The following GRM7 variants were observed in gnomAD, a reference collection of about 807,000 sequenced individuals.
GRM7 encodes the protein metabotropic glutamate receptor 7.
GRM7 carries 35 observed loss-of-function variants against 84.5 expected under a neutral mutation model. The observed-to-expected ratio is 0.41, with a 90% CI of 0.32 to 0.55. The LOEUF (loss-of-function observed/expected upper bound fraction) is 0.55. Among genes scored for constraint, GRM7 ranks in the 20% least tolerant of loss-of-function variants. The pLI is 0.19. For synonymous variants in GRM7, 487 were observed against 455.1 expected, an observed-to-expected ratio of 1.07 and a Z score of -0.89; for missense variants, 1,003 against 1,194.6, an observed-to-expected ratio of 0.84 and a Z score of 2.36.
intron 1 of GRM7, among the ~76,000 whole-genome samples, chr3:7,015,908 T>C (rs1369281138): frequency 6.6e-6 from 1 of 152,172 alleles, no homozygotes; most frequent in East Asian, 1.9e-4. Context: ...TCATTAGAAA[T>C]GAGTCACTAA....
In GRM7 at chr3:7,139,554, A is replaced by G. The variant is rs77544830; in HGVS notation, c.520-6898A>G. ...ATTGCACATATGAGAGCGTGAATTC[A>G]TGCATAGATCTTTTCTCTGAAAGAA... On this transcript the variant is annotated intron_variant, in intron 1 of 9. Transcript: ENST00000357716. Among the ~76,000 whole-genome samples the G allele has an allele frequency of 6.5e-3, 985 of 152,104 alleles. 16 individuals are homozygous for G. Among genetic ancestry groups the G allele is most frequent in the African/African-American group, 0.022 (904 of 41,536 alleles).
chr3:6,974,705 A>G (rs1170198164), intron 1 of GRM7, among the ~76,000 whole-genome samples: 1 of 152,316 alleles, frequency 6.6e-6, no homozygotes, highest in East Asian at 1.9e-4. Flanking sequence ...AGGATGGCCC[A>G]TCAGACATAT....
At chr3:7,557,602 A>G (rs1236397484) in intron 7 of GRM7, among the ~76,000 whole-genome samples, 2 of 152,164 alleles carry the variant, frequency 1.3e-5, no homozygotes, top group East Asian at 1.9e-4. Flanking sequence ...GATCACATCA[A>G]AAAATGATTA....
chr3:7,253,010 C>CT (rs1292482847), intron 2 of GRM7, among the ~76,000 whole-genome samples: 3 of 62,546 alleles, frequency 4.8e-5, no homozygotes, highest in Non-Finnish European at 6.4e-5. Flanking sequence ...TCTGGCTTTT[C>CT]TTAAAAAAAA....
intron 2 of GRM7, among the ~76,000 whole-genome samples, chr3:7,262,671 G>T (rs1698476417): frequency 6.6e-6 from 1 of 152,088 alleles, no homozygotes; most frequent in South Asian, 2.1e-4. Flanking sequence ...AAGAAAGATG[G>T]CATTCTGGCT....
chr3:7,262,425 TAC>T (rs752964334), intron 2 of GRM7, among the ~76,000 whole-genome samples: 4 of 152,198 alleles, frequency 2.6e-5, no homozygotes, highest in Non-Finnish European at 5.9e-5. Flanking sequence ...ATGAAATTCT[TAC>T]AGTGTGTTTT....
chr3:7,725,332 C>A (rs534033443), intron 9 of GRM7, among the ~76,000 whole-genome samples: 2 of 152,256 alleles, frequency 1.3e-5, no homozygotes, highest in Non-Finnish European at 2.9e-5. Context: ...GGTATCACTG[C>A]CTCCACAGCC....
chr3:7,253,736 C>G (rs1480915586), intron 2 of GRM7, among the ~76,000 whole-genome samples: 1 of 152,012 alleles, frequency 6.6e-6, no homozygotes, highest in Non-Finnish European at 1.5e-5. Flanking sequence ...TAAGAGCTTT[C>G]CCAAGCTCAC....
intron 1 of GRM7, among the ~76,000 whole-genome samples, chr3:7,101,249 A>G (rs376028309): frequency 4.6e-5 from 7 of 151,902 alleles, no homozygotes; most frequent in African/African-American, 1.4e-4. Flanking sequence ...ATTGCACCAC[A>G]GACTCTCTAA....
intron 7 of GRM7, among the ~76,000 whole-genome samples, chr3:7,560,760 TG>T (rs1351922623): frequency 6.6e-6 from 1 of 152,174 alleles, no homozygotes; most frequent in Non-Finnish European, 1.5e-5. Context: ...GAATCACCTT[TG>T]CTACTTCTCT....
chr3:7,529,437 G>A (rs1700941809), intron 7 of GRM7, among the ~76,000 whole-genome samples: 1 of 152,128 alleles, frequency 6.6e-6, no homozygotes, highest in Non-Finnish European at 1.5e-5. Flanking sequence ...GGCATAGCAA[G>A]GAGACACTGC....
At chr3:7,404,216 C>T (rs1559298156) in intron 4 of GRM7, among the ~76,000 whole-genome samples, 1 of 152,130 alleles carries the variant, frequency 6.6e-6, no homozygotes, top group Non-Finnish European at 1.5e-5. Flanking sequence ...CTATACAAAT[C>T]AGTAGTTGTG....
chr3:7,663,471 C>G (rs1243232758), intron 8 of GRM7, among the ~76,000 whole-genome samples: 1 of 152,160 alleles, frequency 6.6e-6, no homozygotes, highest in African/African-American at 2.4e-5. Flanking sequence ...ACCAATAGAT[C>G]CCTCGGTCCT....
intron 4 of GRM7, among the ~76,000 whole-genome samples, chr3:7,316,773 A>G (rs1302359883): frequency 6.7e-6 from 1 of 149,794 alleles, no homozygotes. Flanking sequence ...GGCAATTGCA[A>G]TTAAGTAAGC....
chr3:7,233,546 T>C (rs181601911), intron 2 of GRM7, among the ~76,000 whole-genome samples: 591 of 152,250 alleles, frequency 3.9e-3, no homozygotes, highest in Middle Eastern at 6.8e-3. Flanking sequence ...TCTGAGGAGA[T>C]ATAATAAAAG....
chr3:6,956,923 A>T (rs1388214355), intron 1 of GRM7, among the ~76,000 whole-genome samples: 1 of 152,248 alleles, frequency 6.6e-6, no homozygotes, highest in Non-Finnish European at 1.5e-5. Flanking sequence ...CAATTAAAAT[A>T]ACATGCAATG....
intron 5 of GRM7, among the ~76,000 whole-genome samples, chr3:7,443,127 C>G (rs895089828): frequency 3.9e-5 from 6 of 152,092 alleles, no homozygotes; most frequent in Admixed American, 1.3e-4. Context: ...TGTGATCCTT[C>G]AGACCAACAC....
chr3:7,522,812 G>C (rs1375133479), intron 7 of GRM7, among the ~76,000 whole-genome samples: 1 of 152,114 alleles, frequency 6.6e-6, no homozygotes, highest in Non-Finnish European at 1.5e-5. Context: ...TGCTATTTTT[G>C]AGATGAGGTC....
intron 1 of GRM7, among the ~76,000 whole-genome samples, chr3:7,090,272 A>G (rs912262566): frequency 5.3e-5 from 8 of 152,212 alleles, no homozygotes. Flanking sequence ...TTTGTTTGTG[A>G]CAATGGGAAG....
Sources: gnomAD v4.1 joint callset for allele counts (sites outside exome capture counted in the v4.1 genomes callset) on GRCh38, gnomAD v4.1.1 for gene constraint, MANE v1.5 for transcripts, NCBI Gene and HGNC (gene_info 2026-07-23, HGNC 2026-07-21) for gene names.